Variants in NR3C2 observed in about 807,000 individuals in gnomAD.
The protein encoded by NR3C2 is mineralocorticoid receptor.
In NR3C2, 15 loss-of-function variants were observed where a neutral mutation model predicts 86.4. That is an observed-to-expected ratio of 0.17 (90% CI 0.12 to 0.27). The LOEUF is 0.27. NR3C2 is among the 10% of genes least tolerant of loss of function. NR3C2 has a pLI of 1.00. For missense variants in NR3C2, 960 were observed against 1,195.6 expected, an observed-to-expected ratio of 0.80 and a Z score of 2.91; for synonymous variants, 458 against 450.5, an observed-to-expected ratio of 1.02 and a Z score of -0.21.
Position 148,142,291 on chromosome 4 carries a change from A to G in NR3C2, c.2510+10178T>C, listed in dbSNP as rs545140288. On this transcript the variant is annotated intron_variant, in intron 6 of 8. Coordinates refer to ENST00000358102, the MANE Select transcript of NR3C2 (RefSeq NM_000901.5). ...CCACACTAATGCGGGCAGGAGCGTTACTAGGGAGAAAACAGAGATGTGATC... is the reference window on the plus strand; with the variant it reads ...CCACACTAATGCGGGCAGGAGCGTTGCTAGGGAGAAAACAGAGATGTGATC... 8.5e-5 allele frequency among the ~76,000 whole-genome samples: 13 copies of G among 152,298 alleles called. No individual in the cohort carries two copies. In the South Asian group the frequency reaches 2.5e-3, roughly 29 times the overall value.
intron 2 of NR3C2, among the ~76,000 whole-genome samples, chr4:148,380,718 A>AT (rs1409530432): frequency 6.6e-6 from 1 of 152,156 alleles, no homozygotes. Context: ...CAGCATGTAG[A>AT]TTTTTAGAAG....
intron 2 of NR3C2, among the ~76,000 whole-genome samples, chr4:148,306,123 TTC>T (rs1163044173): frequency 6.6e-6 from 1 of 152,246 alleles, no homozygotes; most frequent in East Asian, 1.9e-4. Flanking sequence ...ACAAACTGAA[TTC>T]TCTCTCTGCA....
At chr4:148,203,466 T>C (rs975461349) in intron 3 of NR3C2, among the ~76,000 whole-genome samples, 2 of 151,998 alleles carry the variant, frequency 1.3e-5, no homozygotes, top group African/African-American at 2.4e-5. Flanking sequence ...TTTTAAGCAG[T>C]TGACAACTGC....
chr4:148,255,076 C>T (rs1234621442), intron 3 of NR3C2, among the ~76,000 whole-genome samples: 1 of 151,908 alleles, frequency 6.6e-6, no homozygotes. Context: ...CTCACTGCCC[C>T]CCCCCAACAC....
intron 2 of NR3C2, among the ~76,000 whole-genome samples, chr4:148,312,777 T>G (rs1742966558): frequency 6.6e-6 from 1 of 152,188 alleles, no homozygotes; most frequent in Non-Finnish European, 1.5e-5. Flanking sequence ...TAATCAGACT[T>G]TCTAAGTTGA....
chr4:148,381,042 C>A (rs916244196), intron 2 of NR3C2, among the ~76,000 whole-genome samples: 1 of 151,970 alleles, frequency 6.6e-6, no homozygotes, highest in African/African-American at 2.4e-5. Context: ...GCCTGGCTAA[C>A]ACAGCAAGAC....
intron 2 of NR3C2, among the ~76,000 whole-genome samples, chr4:148,325,974 C>A (rs957000615): frequency 6.6e-6 from 1 of 152,114 alleles, no homozygotes; most frequent in Non-Finnish European, 1.5e-5. Flanking sequence ...TGTTTGGAGA[C>A]AAAATAATTT....
rs185933265 is a variant in NR3C2, at chr4:148,407,372, C to T, written c.1757+27732G>A. On this transcript the variant is annotated intron_variant, in intron 2 of 8. Transcript: ENST00000358102. ...AAGTCTTAAAATCAGAGTCAATGGC[C>T]GTAAGTGGTTTATAAGATTGTAAAA... Among the ~76,000 whole-genome samples, 13 of 152,152 alleles carry T rather than the reference C, an allele frequency of 8.5e-5. No individual in the cohort carries two copies. In the East Asian group the frequency reaches 1.4e-3, roughly 16 times the overall value.
At chr4:148,184,257 T>C (rs1387519588) in intron 4 of NR3C2, among the ~76,000 whole-genome samples, 1 of 150,706 alleles carries the variant, frequency 6.6e-6, no homozygotes, top group Non-Finnish European at 1.5e-5. Context: ...GAGACCAGCC[T>C]GGCCAACATG....
intron 6 of NR3C2, among the ~76,000 whole-genome samples, chr4:148,146,314 C>T (rs1450022955): frequency 2.0e-5 from 3 of 152,154 alleles, no homozygotes; most frequent in African/African-American, 7.2e-5. Flanking sequence ...CGCCATACCT[C>T]CAACCACCCC....
At chr4:148,407,219 C>T (rs1748470544) in intron 2 of NR3C2, among the ~76,000 whole-genome samples, 1 of 152,142 alleles carries the variant, frequency 6.6e-6, no homozygotes, top group Non-Finnish European at 1.5e-5. Flanking sequence ...AATCCAGTCA[C>T]TACACAGTAC....
At chr4:148,331,446 C>A (rs1222720029) in intron 2 of NR3C2, among the ~76,000 whole-genome samples, 1 of 152,040 alleles carries the variant, frequency 6.6e-6, no homozygotes, top group Non-Finnish European at 1.5e-5. Flanking sequence ...CATTTAATGG[C>A]CAAGGTAATT....
At chr4:148,097,751 G>GTT (rs553156519) in intron 8 of NR3C2, among the ~76,000 whole-genome samples, 14 of 102,906 alleles carry the variant, frequency 1.4e-4, no homozygotes, top group Admixed American at 4.5e-4. Flanking sequence ...GTTTTTTTTT[G>GTT]TTTTTTTTTT....
intron 2 of NR3C2, among the ~76,000 whole-genome samples, chr4:148,332,601 G>C (rs1744284160): frequency 6.6e-6 from 1 of 152,084 alleles, no homozygotes; most frequent in Non-Finnish European, 1.5e-5. Flanking sequence ...GACTGTCCTT[G>C]GTATGCTAAC....
chr4:148,220,093 T>C lies in NR3C2; in HGVS notation c.1898-25231A>G, dbSNP rs566642625. On this transcript the variant is annotated intron_variant, in intron 3 of 8. Transcript: ENST00000358102. ...ATACACCACTACACCCAGCTAATTT[T>C]TTTTTTCTTTTAAGACCGGGTCTCA... Among the ~76,000 whole-genome samples the C allele has an allele frequency of 9.6e-4, 146 of 151,304 alleles. 1 individual carries two copies. Among genetic ancestry groups the C allele is most frequent in the African/African-American group, 3.4e-3 (139 of 41,208 alleles).
At chr4:148,384,532 T>C (rs1422785974) in intron 2 of NR3C2, among the ~76,000 whole-genome samples, 3 of 152,174 alleles carry the variant, frequency 2.0e-5, no homozygotes, top group Non-Finnish European at 2.9e-5. Flanking sequence ...CAACAACATA[T>C]GGTTTTGAAC....
At chr4:148,227,524 A>G (rs1286260522) in intron 3 of NR3C2, among the ~76,000 whole-genome samples, 1 of 151,998 alleles carries the variant, frequency 6.6e-6, no homozygotes, top group Non-Finnish European at 1.5e-5. Context: ...TGCTTCTTAT[A>G]TTTTCACCTA....
intron 2 of NR3C2, among the ~76,000 whole-genome samples, chr4:148,383,912 C>A (rs1180420179): frequency 2.7e-5 from 4 of 147,312 alleles, no homozygotes; most frequent in Non-Finnish European, 5.9e-5. Context: ...GGTGCCACTG[C>A]ACTCCAGCCT....
chr4:148,404,258 C>G (rs78318670), intron 2 of NR3C2, among the ~76,000 whole-genome samples: 168 of 152,192 alleles, frequency 1.1e-3, no homozygotes, highest in African/African-American at 3.9e-3. Flanking sequence ...TGAAATTATT[C>G]ACTGATTATT....
Sources: gnomAD v4.1 joint callset for allele counts (sites outside exome capture counted in the v4.1 genomes callset) on GRCh38, gnomAD v4.1.1 for gene constraint, MANE v1.5 for transcripts, NCBI Gene and HGNC (gene_info 2026-07-23, HGNC 2026-07-21) for gene names.